The following PLEKHG5 variants were observed in gnomAD, a reference collection of about 807,000 sequenced individuals.
The protein encoded by PLEKHG5 is pleckstrin homology domain-containing family G member 5.
A neutral mutation model predicts 103.8 loss-of-function variants in PLEKHG5; 52 were observed. The ratio of observed to expected loss-of-function variants is 0.50; its 90% CI spans 0.40 to 0.63. The LOEUF is 0.63. Ranked by LOEUF, PLEKHG5 falls within the 30% of genes least tolerant of loss-of-function variation. PLEKHG5 has a pLI of 0.00. For synonymous variants in PLEKHG5, 592 were observed against 575.5 expected, an observed-to-expected ratio of 1.03 and a Z score of -0.41; for missense variants, 1,205 against 1,347.6, an observed-to-expected ratio of 0.89 and a Z score of 1.66.
At chr1:6,476,339 T>G (rs1383559207) in intron 2 of PLEKHG5, among the ~76,000 whole-genome samples, 1 of 152,204 alleles carries the variant, frequency 6.6e-6, no homozygotes, top group Non-Finnish European at 1.5e-5. Flanking sequence ...TGCAGGCGTG[T>G]GCCACCACAC....
exon 1 of PLEKHG5, chr1:6,496,669 G>C: frequency 1.3e-6 from 1 of 793,564 alleles, no homozygotes; most frequent in Non-Finnish European, 1.9e-6. Context: ...GATCTCCTCA[G>C]TCCTCCCTTC....
chr1:6,500,318 C>T (rs922240403), upstream of PLEKHG5, among the ~76,000 whole-genome samples: 2 of 152,126 alleles, frequency 1.3e-5, no homozygotes, highest in South Asian at 2.1e-4. Context: ...GTGGAAATCA[C>T]CCCAGAGCAG....
intron 4 of PLEKHG5, 145 bp downstream of exon 4, chr1:6,475,317 C>T: frequency 1.3e-6 from 1 of 755,718 alleles, no homozygotes. Flanking sequence ...GGAACCCCAG[C>T]AAGAAAGGGA....
intron 1 of PLEKHG5, among the ~76,000 whole-genome samples, chr1:6,481,854 CATT>C (rs2148606954): frequency 7.2e-6 from 1 of 139,712 alleles, no homozygotes; most frequent in East Asian, 2.2e-4. Flanking sequence ...ACAGGGAAGA[CATT>C]ATCTTAAAAA....
rs61738905 is a variant in PLEKHG5 at position 6,473,263 on chromosome 1, G to A, written c.783C>T (p.Ser261=). 5.3e-5 allele frequency: 86 copies of A among 1,609,374 alleles called. No homozygotes were observed. In the African/African-American group the frequency reaches 7.6e-4, roughly 14 times the overall value. ...SGFFSSGPST[S]AFGREVDKME... is the part of the protein sequence containing the mutation. ...TGGGGCCACATACCCGGCCAAAGGC[G>A]CTGGTGCTGGGGCCGGAGCTGAAAA... Residue 261 remains serine (S), a synonymous_variant, in exon 8 of 21, where the codon AGC becomes AGT. Transcript: ENST00000377728.
chr1:6,474,329 CCTGTATGGTAATGAGG>C, intron 6 of PLEKHG5, 106 bp downstream of exon 6: 1 of 1,352,578 alleles, frequency 7.4e-7, no homozygotes, highest in East Asian at 2.4e-5. Flanking sequence ...AGCAGAGACA[CCTGTATGGTAATGAGG>C]CTGCTCAGGC....
At chr1:6,474,697 C>T (rs1389063399) in intron 5 of PLEKHG5, 110 bp from the exon 6 acceptor site, 15 of 1,138,762 alleles carry the variant, frequency 1.3e-5, no homozygotes, top group Non-Finnish European at 1.9e-5. Flanking sequence ...CTGCCCCCAC[C>T]TTCCCAACGG....
intron 1 of PLEKHG5, among the ~76,000 whole-genome samples, chr1:6,516,846 ATATG>A (rs1302961278): frequency 1.5e-5 from 2 of 134,322 alleles, no homozygotes; most frequent in African/African-American, 2.8e-5. Flanking sequence ...GTGTATATAT[ATATG>A]TGTGTGTATA....
chr1:6,502,062 C>T (rs914830754), intron 1 of PLEKHG5, among the ~76,000 whole-genome samples: 21 of 152,392 alleles, frequency 1.4e-4, no homozygotes, highest in African/African-American at 4.1e-4. Context: ...TCCTGGGCGC[C>T]GGTCCATGCC....
At chr1:6,488,859 G>A (rs1386690211) in intron 1 of PLEKHG5, among the ~76,000 whole-genome samples, 1 of 152,130 alleles carries the variant, frequency 6.6e-6, no homozygotes, top group Non-Finnish European at 1.5e-5. Context: ...ACCAGATGCG[G>A]AGGCTGATGA....
chr1:6,497,191 A>G (rs905661483), upstream of PLEKHG5: 3 of 865,370 alleles, frequency 3.5e-6, no homozygotes, highest in Non-Finnish European at 3.7e-6. The surrounding 1 kb of genome is among the most constrained non-coding windows in gnomAD (Gnocchi z 6.1). Context: ...GAGTTTGGGT[A>G]CGAGCGGCCC....
chr1:6,500,820 G>C (rs774946125), upstream of PLEKHG5, among the ~76,000 whole-genome samples: 40 of 152,122 alleles, frequency 2.6e-4, 1 homozygote, highest in Non-Finnish European at 1.0e-4. Context: ...TGCCCTCCTG[G>C]CTCCCCCACC....
In PLEKHG5 at chr1:6,471,489, A is replaced by G. The variant is rs754678569; in HGVS notation, c.1280T>C (p.Met427Thr). 3.0e-5 allele frequency: 48 copies of G among 1,610,046 alleles called. No homozygotes were observed. Among genetic ancestry groups the G allele is most frequent in the Non-Finnish European group, 3.9e-5 (46 of 1,178,972 alleles). Residue 427 changes from methionine (M) to threonine (T), a missense_variant and splice_region_variant, in exon 12 of 21, where the codon ATG becomes ACG. Coordinates refer to ENST00000377728, the MANE Select transcript of PLEKHG5 (RefSeq NM_020631.6). ...QPGDFLKGFK[M>T]FGSLFKPYIR... ...GCCTGCGCCCGGCCCCGCCCGTACC[A>G]TCTTGAAGCCTTTGAGGAAGTCCCC...
chr1:6,484,753 C>T (rs1278410504), intron 1 of PLEKHG5, among the ~76,000 whole-genome samples: 1 of 152,162 alleles, frequency 6.6e-6, no homozygotes, highest in East Asian at 1.9e-4. Context: ...GGAGGGACAC[C>T]AGGGTCCGGG....
At chr1:6,519,465 A>AG (rs1638715494) in exon 1 of PLEKHG5, 1 of 1,613,790 alleles carries the variant, frequency 6.2e-7, no homozygotes, top group East Asian at 2.2e-5. Context: ...ACAAAGGCTG[A>AG]GCCAGCTTCG....
At chr1:6,473,935 A>ACTGCCTCTGAGGAGGGGCTAGGGGCGC in intron 7 of PLEKHG5, 78 bp downstream of exon 7, 1 of 1,379,330 alleles carries the variant, frequency 7.2e-7, no homozygotes, top group Non-Finnish European at 1.0e-6. Flanking sequence ...ACCCAGGGTG[A>ACTGCCTCTGAGGAGGGGCTAGGGGCGC]CTGCCTCTGA....
In PLEKHG5 at chr1:6,477,538, G is replaced by A. The variant is rs140687324; in HGVS notation, c.34C>T (p.Pro12Ser). 8 of 1,611,942 alleles carry A rather than the reference G, an allele frequency of 5.0e-6. No individual in the cohort carries two copies. The highest frequency in any genetic ancestry group is 6.8e-6 in the Non-Finnish European group (8 of 1,179,964). Residue 12 changes from proline to serine, a missense_variant, in exon 2 of 21, where the codon CCC (proline) becomes TCC (serine). Coordinates refer to ENST00000377728, the MANE Select transcript of PLEKHG5 (RefSeq NM_020631.6). Reference protein sequence around the residue: ...HYDGHVRFDLPPQGSVLARNV... With the variant: ...HYDGHVRFDLSPQGSVLARNV... ...TCCCGCCTGTGCTCACCTTGTGGGG[G>A]AAGGTCGAAGCGGACATGCCCATCA...
At chr1:6,474,762 G>A (rs1010486648) in intron 5 of PLEKHG5, 175 bp from the exon 6 acceptor site, 12 of 706,128 alleles carry the variant, frequency 1.7e-5, no homozygotes, top group African/African-American at 1.2e-4. Context: ...TGCCCGCAGA[G>A]GTGCTCACAC....
intron 1 of PLEKHG5, among the ~76,000 whole-genome samples, chr1:6,503,407 CTTT>C (rs111752953): frequency 2.4e-5 from 3 of 125,558 alleles, no homozygotes; most frequent in Admixed American, 8.1e-5. Flanking sequence ...ACAACCCTGT[CTTT>C]TTTTTTTTTT....
Sources: gnomAD v4.1 joint callset for allele counts (sites outside exome capture counted in the v4.1 genomes callset) on GRCh38, gnomAD v4.1.1 for gene constraint, Gnocchi (gnomAD v3.1) non-coding constraint, MANE v1.5 for transcripts, NCBI Gene and HGNC (gene_info 2026-07-23, HGNC 2026-07-21) for gene names.